The following EPHA2 variants were observed in gnomAD, a reference collection of about 807,000 sequenced individuals.
EPHA2 encodes ephrin type-A receptor 2.
EPHA2 carries 54 observed loss-of-function variants against 104.9 expected under a neutral mutation model. The observed-to-expected ratio is 0.51, with a 90% CI of 0.41 to 0.65. EPHA2 has a LOEUF of 0.65. Among genes scored for constraint, EPHA2 ranks in the 30% least tolerant of loss-of-function variants. The pLI is 0.00. For missense variants in EPHA2, 1,117 were observed against 1,369.5 expected (o/e 0.82, Z 2.91); for synonymous variants, 560 against 559.1 (o/e 1.00, Z -0.02).
chr1:16,137,842 CT>C lies in EPHA2; in HGVS notation c.1312+10del, dbSNP rs751606166. 21 of 1,613,356 alleles carry C rather than the reference CT, an allele frequency of 1.3e-5. No homozygotes were observed. The highest frequency in any genetic ancestry group is 1.7e-5 in the Non-Finnish European group (20 of 1,179,872). ...GCCCCATAGGGCACAGCTGCCACCCCTGGACCTCACCTGTCTGGTTGATGCT... is the reference window on the plus strand; with the variant it reads ...GCCCCATAGGGCACAGCTGCCACCCCGGACCTCACCTGTCTGGTTGATGCT... On this transcript the variant is annotated intron_variant, in intron 5 of 16. Transcript: ENST00000358432.
At chr1:16,141,374 T>A (rs1040346039) in intron 3 of EPHA2, among the ~76,000 whole-genome samples, 3 of 152,166 alleles carry the variant, frequency 2.0e-5, no homozygotes, top group African/African-American at 7.2e-5. Context: ...ATTGCATCCC[T>A]CCCCATAACA....
intron 15 of EPHA2, 89 bp from the exon 16 acceptor site, chr1:16,129,678 C>T: frequency 6.8e-7 from 1 of 1,481,148 alleles, no homozygotes; most frequent in South Asian, 1.3e-5. Flanking sequence ...GGATGATTGA[C>T]TCGGCTGCCC....
In EPHA2 at chr1:16,128,663, G is replaced by A. The variant is rs574323867; in HGVS notation, c.2825+771C>T. 9.8e-4 allele frequency among the ~76,000 whole-genome samples: 150 copies of A among 152,328 alleles called. No homozygotes were observed. The highest frequency in any genetic ancestry group is 1.7e-3 in the Non-Finnish European group (117 of 68,030). On this transcript the variant is annotated intron_variant, in intron 16 of 16. Transcript: ENST00000358432. The surrounding 1 kb of genome is among the most constrained non-coding windows in gnomAD (Gnocchi z 4.7). ...GGTCTCCCCCTTCCTGGGACAGGAG[G>A]AGGTGTCTGTGCCAAGGCCATGCCG...
rs896477655 is a variant in EPHA2, at chr1:16,130,858, G to A, written c.2476-439C>T. Among the ~76,000 whole-genome samples the A allele has an allele frequency of 6.6e-6, 1 of 152,074 alleles. No homozygotes were observed. Among genetic ancestry groups the A allele is most frequent in the African/African-American group, 2.4e-5 (1 of 41,404 alleles). On this transcript the variant is annotated intron_variant, in intron 14 of 16. Transcript: ENST00000358432. This position sits in a 1 kb window ranked among gnomAD's most constrained non-coding sequence, Gnocchi z 4.5. ...TTGTCCAGGCTGGTCTCGAACTCCT[G>A]AGCTCAAGCGATACTCCTGCCTCAG... is the stretch of plus-strand genomic sequence containing the variant.
intron 9 of EPHA2, 84 bp downstream of exon 9, chr1:16,133,776 G>A: frequency 6.7e-7 from 1 of 1,493,920 alleles, no homozygotes; most frequent in Middle Eastern, 2.3e-4. Context: ...AGTGCCCTGG[G>A]AACACCCTGG....
rs1419255019 is a variant in EPHA2 at position 16,148,243 on chromosome 1, T to A, written c.823+135A>T. The A allele has an allele frequency of 1.8e-6, 2 of 1,103,976 alleles. No homozygotes were observed. Among genetic ancestry groups the A allele is most frequent in the East Asian group, 2.4e-5 (1 of 41,714 alleles). The allele number at this position is 1,103,976 out of a possible 1,614,324, so 68.4% of individuals were successfully genotyped here. A position where few individuals can be genotyped will look rare whatever the true frequency, so the allele number is the denominator to read the frequency against. ...TAAGGAAACTGATGTCTGGGAAGGA[T>A]CTATAATTTCCACTAACAGAACTAA... On this transcript the variant is annotated intron_variant, in intron 3 of 16. Transcript: ENST00000358432. This position sits in a 1 kb window ranked among gnomAD's most constrained non-coding sequence, Gnocchi z 4.9.
rs893295318 is a variant in EPHA2 at position 16,150,556 on chromosome 1, C to A, written c.153+340G>T. Among the ~76,000 whole-genome samples the A allele has an allele frequency of 4.6e-5, 7 of 152,214 alleles. No homozygotes were observed. Among genetic ancestry groups the A allele is most frequent in the African/African-American group, 1.7e-4 (7 of 41,446 alleles). On this transcript the variant is annotated intron_variant, in intron 2 of 16. Coordinates refer to ENST00000358432, the MANE Select transcript of EPHA2 (RefSeq NM_004431.5). This position sits in a 1 kb window ranked among gnomAD's most constrained non-coding sequence, Gnocchi z 4.8. ...AGACAGGGGGCATCTTTAACCCCTT[C>A]CCTCCCAAGAGGTGGATGGGTGGTG... is the stretch of plus-strand genomic sequence containing the variant.
At chr1:16,154,300 A>AT (rs2025105194) in intron 1 of EPHA2, among the ~76,000 whole-genome samples, 1 of 152,190 alleles carries the variant, frequency 6.6e-6, no homozygotes, top group African/African-American at 2.4e-5. Context: ...TCCTGCAACC[A>AT]GAAGTCCCGG....
chr1:16,135,248 C>T lies in EPHA2; in HGVS notation c.1429-59G>A. ...TGAGGGCAGGGCAGGGGCCTCGGCT[C>T]AGCCCGCTGGAGACCACCCCAAGCT... On this transcript the variant is annotated intron_variant, in intron 6 of 16. Coordinates refer to ENST00000358432, the MANE Select transcript of EPHA2 (RefSeq NM_004431.5). This position sits in a 1 kb window ranked among gnomAD's most constrained non-coding sequence, Gnocchi z 4.3. 5 of 1,608,944 alleles carry T rather than the reference C, an allele frequency of 3.1e-6. No homozygotes were observed. The highest frequency in any genetic ancestry group is 2.2e-5 in the East Asian group (1 of 44,834).
At chr1:16,127,822 A>G (rs1165618161) in intron 16 of EPHA2, among the ~76,000 whole-genome samples, 1 of 152,122 alleles carries the variant, frequency 6.6e-6, no homozygotes, top group African/African-American at 2.4e-5. Context: ...ACTGCAGCGC[A>G]CACACACACA....
chr1:16,146,607 G>A (rs1026018222), intron 3 of EPHA2, among the ~76,000 whole-genome samples: 1 of 152,238 alleles, frequency 6.6e-6, no homozygotes, highest in African/African-American at 2.4e-5. Context: ...CCTGGGGAAG[G>A]GGGGCTCGCT....
intron 3 of EPHA2, among the ~76,000 whole-genome samples, chr1:16,139,026 G>A (rs1162117081): frequency 6.6e-6 from 1 of 152,208 alleles, no homozygotes; most frequent in Non-Finnish European, 1.5e-5. Flanking sequence ...AGCAGGAAAG[G>A]CCAAGCCCCC....
At chr1:16,133,404 A>C (rs747372213) in intron 10 of EPHA2, 36 bp from the exon 11 acceptor site, 1 of 1,613,906 alleles carries the variant, frequency 6.2e-7, no homozygotes, top group Non-Finnish European at 8.5e-7. Context: ...TGCCCTGGTC[A>C]GCCCCGGCAT....
In EPHA2 at chr1:16,138,384, G is replaced by C. The variant is rs1311572562; in HGVS notation, c.870C>G (p.Cys290Trp). ...FFKFEASESP[C>W]LECPEHTLPS... Reference sequence around the variant, plus strand: ...GCAGCGTGTGCTCAGGGCACTCCAAGCAGGGGCTCTCAGATGCCTCAAACT... The same window carrying C: ...GCAGCGTGTGCTCAGGGCACTCCAACCAGGGGCTCTCAGATGCCTCAAACT... The change falls in exon 4 of 17, where the codon TGC becomes TGG. Residue 290 changes from cysteine to tryptophan, a missense_variant. By Grantham distance (215) the Cys-to-Trp change is radical. Around this residue, in one of 3 missense-constraint regions of EPHA2, gnomAD observed 664 missense variants for 784.8 expected, o/e 0.85. Coordinates refer to ENST00000358432, the MANE Select transcript of EPHA2 (RefSeq NM_004431.5). The C allele has an allele frequency of 6.2e-7, 1 of 1,613,778 alleles. No homozygotes were observed. The highest frequency in any genetic ancestry group is 8.5e-7 in the Non-Finnish European group (1 of 1,180,018).
intron 5 of EPHA2, 64 bp downstream of exon 5, chr1:16,137,789 C>T: frequency 6.3e-7 from 1 of 1,594,282 alleles, no homozygotes; most frequent in Non-Finnish European, 8.6e-7. Context: ...CCCCAGATGG[C>T]CGTCCTCCTT....
chr1:16,132,462 G>C lies in EPHA2; in HGVS notation c.2054-23C>G, dbSNP rs766434233. On this transcript the variant is annotated intron_variant, in intron 11 of 16. Coordinates refer to ENST00000358432, the MANE Select transcript of EPHA2 (RefSeq NM_004431.5). Reference sequence around the variant, plus strand: ...TGTCTGTAGGGGGGTGGGCACAGGTGAGAGGTAAGTGGGCCCAGGCATGTG... The same window carrying C: ...TGTCTGTAGGGGGGTGGGCACAGGTCAGAGGTAAGTGGGCCCAGGCATGTG... 7 of 1,613,272 alleles carry C rather than the reference G, an allele frequency of 4.3e-6. No homozygotes were observed. In the Admixed American group the frequency reaches 1.2e-4, roughly 27 times the overall value.
Position 16,135,620 on chromosome 1 carries a change from C to G in EPHA2, c.1428+35G>C, listed in dbSNP as rs1216567160. The G allele has an allele frequency of 1.9e-6, 3 of 1,594,032 alleles. No homozygotes were observed. In the South Asian group the frequency reaches 3.3e-5, roughly 18 times the overall value. ...GACCAGCCTGTCCCCTGCTGTCGGC[C>G]CAGCTAGAGCCAGCCCCGCCCCTCT... On this transcript the variant is annotated intron_variant, in intron 6 of 16. Coordinates refer to ENST00000358432, the MANE Select transcript of EPHA2 (RefSeq NM_004431.5). This position sits in a 1 kb window ranked among gnomAD's most constrained non-coding sequence, Gnocchi z 4.3.
In EPHA2 at chr1:16,129,516, A is replaced by G. The variant is rs775490586; in HGVS notation, c.2743T>C (p.Ser915Pro). Residue 915 changes from serine to proline, a missense_variant, in exon 16 of 17, where the codon TCC becomes CCC. By Grantham distance (74) the Ser-to-Pro change is moderately conservative (BLOSUM62 -1). Coordinates refer to ENST00000358432, the MANE Select transcript of EPHA2 (RefSeq NM_004431.5). ...TCCGTATACTGCTGCATCTTGATGG[A>G]CTCCAGCCACTCGGACACCGTGCGG... ...PFRTVSEWLESIKMQQYTEHF... is the reference protein window; with the variant it reads ...PFRTVSEWLEPIKMQQYTEHF... 1.2e-6 allele frequency: 2 copies of G among 1,613,220 alleles called. No homozygotes were observed. The highest frequency in any genetic ancestry group is 1.1e-5 in the South Asian group (1 of 91,044).
At chr1:16,137,540 G>A (rs1396885354) in intron 5 of EPHA2, among the ~76,000 whole-genome samples, 1 of 152,214 alleles carries the variant, frequency 6.6e-6, no homozygotes, top group African/African-American at 2.4e-5. Context: ...AGAGGTTGCA[G>A]TGAGCCGAGA....
Sources: gnomAD v4.1 joint callset for allele counts (sites outside exome capture counted in the v4.1 genomes callset) on GRCh38, gnomAD v4.1.1 for gene constraint, gnomAD v4.1.1 regional missense constraint, Gnocchi (gnomAD v3.1) non-coding constraint, MANE v1.5 for transcripts, NCBI Gene and HGNC (gene_info 2026-07-23, HGNC 2026-07-21) for gene names.